Variants in TBC1D14 observed in about 807,000 individuals in gnomAD.
TBC1D14 encodes the protein TBC1 domain family, member 14.
In TBC1D14, 26 loss-of-function variants were observed where a neutral mutation model predicts 79.0. That is an observed-to-expected ratio of 0.33 (90% confidence interval 0.24 to 0.46). TBC1D14 has a LOEUF of 0.46. Among genes scored for constraint, TBC1D14 ranks in the 20% least tolerant of loss-of-function variants. The pLI is 1.00. For missense variants in TBC1D14, 769 were observed against 887.6 expected (o/e 0.87, Z 1.70); for synonymous variants, 394 against 349.9 (o/e 1.13, Z -1.40).
At chr4:7,027,713 CCACA>C (rs1308081522) in intron 13 of TBC1D14, among the ~76,000 whole-genome samples, 31 of 111,144 alleles carry the variant, frequency 2.8e-4, no homozygotes, top group African/African-American at 7.3e-4. Flanking sequence ...CATCACACAA[CCACA>C]CACAATCACC....
chr4:6,930,054 C>G (rs182795612), intron 2 of TBC1D14, among the ~76,000 whole-genome samples: 28 of 152,192 alleles, frequency 1.8e-4, no homozygotes, highest in African/African-American at 4.1e-4. Flanking sequence ...GCTGGGAGAG[C>G]AAAAGGAGAT....
intron 1 of TBC1D14, among the ~76,000 whole-genome samples, chr4:6,919,417 A>G (rs1349828296): frequency 6.6e-6 from 1 of 152,000 alleles, no homozygotes; most frequent in African/African-American, 2.4e-5. Flanking sequence ...AAGTGTTGGG[A>G]TTACTGGCGT....
intron 2 of TBC1D14, among the ~76,000 whole-genome samples, chr4:6,950,885 A>G (rs529580639): frequency 2.0e-5 from 3 of 152,304 alleles, no homozygotes; most frequent in East Asian, 1.9e-4. Context: ...TTTGATATCA[A>G]AATTATGCTG....
intron 7 of TBC1D14, among the ~76,000 whole-genome samples, chr4:7,002,817 G>A (rs1280762657): frequency 6.6e-6 from 1 of 152,178 alleles, no homozygotes; most frequent in African/African-American, 2.4e-5. Context: ...AAACTTGGTT[G>A]CTGAGTACCA....
chr4:7,020,571 G>T (rs953166756), intron 12 of TBC1D14, among the ~76,000 whole-genome samples: 1 of 152,206 alleles, frequency 6.6e-6, no homozygotes, highest in African/African-American at 2.4e-5. Flanking sequence ...GTAATGTTGG[G>T]CCTTGAAGGT....
chr4:6,917,087 C>T lies in TBC1D14; in HGVS notation c.-17-6286C>T, dbSNP rs149280066. On this transcript the variant is annotated intron_variant, in intron 1 of 13. Coordinates refer to ENST00000409757, the MANE Select transcript of TBC1D14 (RefSeq NM_020773.3). ...TGCTCAGCTGCTGGTGTGCACTCTC[C>T]GGGAACTTGATGGTAGGGGATTTCT... is the stretch of plus-strand genomic sequence containing the variant. Among the ~76,000 whole-genome samples the T allele has an allele frequency of 5.1e-4, 78 of 152,332 alleles. 1 individual carries two copies. The East Asian group carries it at 6.7e-3, about 13-fold the overall frequency.
At chr4:6,965,937 A>G (rs1206665639) in intron 2 of TBC1D14, among the ~76,000 whole-genome samples, 1 of 152,218 alleles carries the variant, frequency 6.6e-6, no homozygotes, top group Non-Finnish European at 1.5e-5. Flanking sequence ...CAAACTGTGT[A>G]AAAATCCATT....
At chr4:6,978,566 A>C (rs1269785231) in intron 3 of TBC1D14, among the ~76,000 whole-genome samples, 1 of 148,348 alleles carries the variant, frequency 6.7e-6, no homozygotes, top group Admixed American at 6.7e-5. Flanking sequence ...AGTCATCACC[A>C]CTCCCTAATC....
chr4:7,027,665 CCA>C (rs79337721), intron 13 of TBC1D14, among the ~76,000 whole-genome samples: 1 of 108,940 alleles, frequency 9.2e-6, no homozygotes, highest in Non-Finnish European at 1.8e-5. Flanking sequence ...CACAATCACC[CCA>C]CACAATCACA....
chr4:6,980,610 C>G (rs1717278787), intron 3 of TBC1D14, among the ~76,000 whole-genome samples: 1 of 152,058 alleles, frequency 6.6e-6, no homozygotes, highest in Non-Finnish European at 1.5e-5. Context: ...ATTGATTAAA[C>G]TCTAGCAAAA....
Position 7,031,697 on chromosome 4 carries a change from A to G in TBC1D14, c.*1305A>G, listed in dbSNP as rs1723064297. On this transcript the variant is annotated 3_prime_UTR_variant, in exon 14 of 14. Transcript: ENST00000409757. ...CGCTGGCAGGCTGGTCCTGGGGAGC[A>G]TTCTGCGGACCCGGTCACGGGCTTG... The G allele has an allele frequency of 6.6e-6, 1 of 152,290 alleles. No individual in the cohort carries two copies. Among genetic ancestry groups the G allele is most frequent in the East Asian group, 1.9e-4 (1 of 5,198 alleles). 9.4% of individuals were successfully genotyped at this position (152,290 alleles called of 1,614,324 possible). A position where few individuals can be genotyped will look rare whatever the true frequency, so the allele number is the denominator to read the frequency against.
intron 3 of TBC1D14, among the ~76,000 whole-genome samples, chr4:6,984,896 G>T (rs1477427355): frequency 1.3e-5 from 2 of 152,224 alleles, no homozygotes; most frequent in African/African-American, 4.8e-5. Flanking sequence ...AGTGGTGTCT[G>T]CAGGCGGGTG....
chr4:7,013,376 C>T lies in TBC1D14; in HGVS notation c.1648-1072C>T, dbSNP rs183088971. Among the ~76,000 whole-genome samples, 412 of 152,358 alleles carry T rather than the reference C, an allele frequency of 2.7e-3. 1 individual carries two copies. Among genetic ancestry groups the T allele is most frequent in the Non-Finnish European group, 4.1e-3 (282 of 68,030 alleles). ...ACCGTCTACAGTAGAGCCCCTCCTT[C>T]GGATGCACAGACACCAGAGTCGTGA... On this transcript the variant is annotated intron_variant, in intron 11 of 13. Coordinates refer to ENST00000409757, the MANE Select transcript of TBC1D14 (RefSeq NM_020773.3).
At position 6,991,167 on chromosome 4, in the gene TBC1D14, C is replaced by T. The variant is rs75401564; in HGVS notation, c.844-3017C>T. On this transcript the variant is annotated intron_variant, in intron 3 of 13. Transcript: ENST00000409757. ...TGTTACTTTATTATTTTAATCATGCCTTGGTCTGTGATTAAAACAAGCATT... is the reference window on the plus strand; with the variant it reads ...TGTTACTTTATTATTTTAATCATGCTTTGGTCTGTGATTAAAACAAGCATT... Among the ~76,000 whole-genome samples, 850 of 152,312 alleles carry T rather than the reference C, an allele frequency of 5.6e-3. 13 individuals are homozygous for T. Among genetic ancestry groups the T allele is most frequent in the African/African-American group, 0.02 (813 of 41,552 alleles).
chr4:6,932,667 C>T (rs1199552543), intron 2 of TBC1D14, among the ~76,000 whole-genome samples: 2 of 152,142 alleles, frequency 1.3e-5, no homozygotes, highest in South Asian at 2.1e-4. Context: ...GCCAGGAGTC[C>T]AGTGGCCATT....
At chr4:6,963,972 A>C (rs1485300095) in intron 2 of TBC1D14, among the ~76,000 whole-genome samples, 2 of 151,868 alleles carry the variant, frequency 1.3e-5, no homozygotes, top group African/African-American at 2.4e-5. Context: ...TAATTTTTGT[A>C]TTTTTAGTAG....
chr4:6,922,270 G>A (rs1226676430), intron 1 of TBC1D14, among the ~76,000 whole-genome samples: 1 of 152,048 alleles, frequency 6.6e-6, no homozygotes, highest in East Asian at 1.9e-4. Context: ...TGCCCACGCC[G>A]CACTGACGGT....
intron 3 of TBC1D14, among the ~76,000 whole-genome samples, chr4:6,978,959 A>G (rs1467158929): frequency 6.6e-6 from 1 of 152,180 alleles, no homozygotes; most frequent in African/African-American, 2.4e-5. Context: ...TGTAGATGTT[A>G]ATATGTAGGA....
chr4:6,950,029 C>G (rs976136539), intron 2 of TBC1D14, among the ~76,000 whole-genome samples: 10 of 152,140 alleles, frequency 6.6e-5, no homozygotes, highest in Non-Finnish European at 1.5e-4. Context: ...GCCCCACATG[C>G]ATTAGGCATT....
Sources: allele counts gnomAD v4.1 joint callset (sites outside exome capture counted in the v4.1 genomes callset), GRCh38; gene constraint gnomAD v4.1.1; transcripts MANE v1.5; gene names NCBI Gene and HGNC (gene_info 2026-07-23, HGNC 2026-07-21).